IL13RA1: variants seen among roughly 807,000 people sequenced by gnomAD.
IL13RA1 encodes the protein interleukin-13 receptor subunit alpha-1.
Under a neutral mutation model 33.8 loss-of-function variants are expected in IL13RA1, and 14 were observed. That is an observed-to-expected ratio of 0.41 (90% CI 0.27 to 0.65). The LOEUF (loss-of-function observed/expected upper bound fraction) is 0.65, where lower values mean the gene tolerates loss of function less well. IL13RA1 is among the 30% of genes least tolerant of loss of function. The pLI is 0.28. For synonymous variants in IL13RA1, 116 were observed against 115.7 expected (o/e 1.00, Z -0.02); for missense variants, 313 against 327.0 (o/e 0.96, Z 0.33).
intron 1 of IL13RA1, among the ~76,000 whole-genome samples, chrX:118,730,363 C>T (rs1327944022): frequency 2.7e-5 from 3 of 111,791 alleles, no homozygotes; most frequent in Non-Finnish European, 5.6e-5. Context: ...CTGTGTGGTC[C>T]AAACAACTAG....
downstream of IL13RA1, among the ~76,000 whole-genome samples, chrX:118,799,141 C>G (rs370700179): frequency 1.1e-4 from 12 of 113,062 alleles, no homozygotes; most frequent in Admixed American, 8.3e-4. Flanking sequence ...CCAGCAGTGC[C>G]GGCCCACCGG....
chrX:118,754,846 C>T (rs1167733395), intron 4 of IL13RA1, among the ~76,000 whole-genome samples: 1 of 109,675 alleles, frequency 9.1e-6, no homozygotes, highest in East Asian at 2.8e-4. Flanking sequence ...TAGCAAGCAC[C>T]AGAAATGGTT....
chrX:118,784,088 A>ATATATATATATATATAT (rs1486333613), intron 10 of IL13RA1, among the ~76,000 whole-genome samples: 3 of 50,761 alleles, frequency 5.9e-5, no homozygotes, highest in African/African-American at 9.9e-5. Flanking sequence ...AAAAAAAAAA[A>ATATATATATATATATAT]AAATATATAT....
chrX:118,770,532 C>T (rs989269807), intron 8 of IL13RA1: 9 of 533,342 alleles, frequency 1.7e-5, no homozygotes, highest in Middle Eastern at 3.5e-4. Context: ...ACCAGGACTT[C>T]GTGGTGTGGA....
At chrX:118,728,097 C>T (rs1184324925) in intron 1 of IL13RA1, among the ~76,000 whole-genome samples, 2 of 112,726 alleles carry the variant, frequency 1.8e-5, no homozygotes, top group African/African-American at 6.4e-5. Context: ...GGCCGTGGGT[C>T]AGCGCCCGGA....
chrX:118,732,649 C>T (rs1410741137), intron 1 of IL13RA1, among the ~76,000 whole-genome samples: 2 of 109,041 alleles, frequency 1.8e-5, no homozygotes, highest in Non-Finnish European at 3.8e-5. Context: ...TGAGAACATG[C>T]AGTGTTTGGT....
Position 118,755,685 on chromosome X carries a change from A to G in IL13RA1, c.489-2370A>G, listed in dbSNP as rs147671499. On this transcript the variant is annotated intron_variant, in intron 4 of 10. Transcript: ENST00000371666. The stretch of plus-strand genomic sequence containing the variant: ...CTCAGGGTACAGAAATGAAAAAGGG[A>G]TCAAGAAGATTGTGCATTCGAGGAG... 9.7e-3 allele frequency among the ~76,000 whole-genome samples: 1,087 copies of G among 112,305 alleles called. 21 individuals carry two copies. The highest frequency in any genetic ancestry group is 0.033 in the African/African-American group (1,014 of 30,901).
intron 3 of IL13RA1, among the ~76,000 whole-genome samples, chrX:118,747,723 C>T (rs1015085918): frequency 4.5e-5 from 5 of 110,804 alleles, no homozygotes; most frequent in African/African-American, 1.6e-4. Flanking sequence ...GTTCCCCAAT[C>T]CCACCTCTCC....
intron 2 of IL13RA1, 130 bp from the exon 3 acceptor site, chrX:118,746,824 T>C: frequency 2.2e-6 from 1 of 448,277 alleles, no homozygotes; most frequent in Non-Finnish European, 3.9e-6. Context: ...CAGCCCCAAT[T>C]GAGAATCACT....
At chrX:118,801,655 C>T in the IL13RA1 span, among the ~76,000 whole-genome samples, 899 of 112,543 alleles carry the variant, frequency 8.0e-3, 4 homozygotes, top group Middle Eastern at 0.018. Flanking sequence ...TACCACCTAG[C>T]GTTGCTGTGA....
chrX:118,784,125 ATATG>A (rs1223610666), intron 10 of IL13RA1, among the ~76,000 whole-genome samples: 6 of 22,511 alleles, frequency 2.7e-4, no homozygotes, highest in Non-Finnish European at 3.6e-4. Context: ...ATATGTATAT[ATATG>A]TATATATATA....
intron 1 of IL13RA1, among the ~76,000 whole-genome samples, chrX:118,732,511 G>A (rs1302255469): frequency 2.7e-5 from 3 of 109,714 alleles, no homozygotes; most frequent in Non-Finnish European, 5.7e-5. Context: ...CCATTAACTC[G>A]TCATTTACAT....
chrX:118,766,520 T>C lies in IL13RA1; in HGVS notation c.829-10T>C. The C allele has an allele frequency of 1.1e-6, 1 of 945,734 alleles. No homozygotes were observed. The highest frequency in any genetic ancestry group is 1.5e-6 in the Non-Finnish European group (1 of 657,011). 77.9% of individuals were successfully genotyped at this position (945,734 alleles called of 1,213,427 possible). The stretch of plus-strand genomic sequence containing the variant: ...ACTCATTAGTTTATTTATTTATTTT[T>C]ATTTTCAAGGTCCAAGAGGCTAAAT... On this transcript the variant is annotated splice_polypyrimidine_tract_variant and intron_variant, in intron 6 of 10. Coordinates refer to ENST00000371666, the MANE Select transcript of IL13RA1 (RefSeq NM_001560.3).
chrX:118,740,726 T>C (rs960638149), intron 1 of IL13RA1, among the ~76,000 whole-genome samples: 2 of 112,163 alleles, frequency 1.8e-5, no homozygotes, highest in South Asian at 7.4e-4. Context: ...GAGGCTGCAG[T>C]GAGCTGAGAT....
intron 8 of IL13RA1, among the ~76,000 whole-genome samples, chrX:118,772,013 T>A (rs1192634217): frequency 2.7e-5 from 3 of 112,267 alleles, no homozygotes; most frequent in African/African-American, 6.5e-5. Context: ...TCTGGAAAAC[T>A]AGTTGGTGTA....
chrX:118,750,576 A>G (rs1341908629), intron 4 of IL13RA1, among the ~76,000 whole-genome samples: 1 of 111,125 alleles, frequency 9.0e-6, no homozygotes, highest in Non-Finnish European at 1.9e-5. Flanking sequence ...GCTACTGTAA[A>G]TATTCACATA....
intron 10 of IL13RA1, among the ~76,000 whole-genome samples, chrX:118,780,396 G>A (rs1603221181): frequency 8.9e-6 from 1 of 112,797 alleles, no homozygotes; most frequent in Non-Finnish European, 1.9e-5. Flanking sequence ...GACATGAGGA[G>A]CCACAGAGAA....
At chrX:118,769,249 G>C (rs1289535553) in intron 8 of IL13RA1, among the ~76,000 whole-genome samples, 2 of 112,397 alleles carry the variant, frequency 1.8e-5, no homozygotes, top group Non-Finnish European at 3.8e-5. Context: ...AGGCCTTGAT[G>C]ATGCTTTCTA....
rs774893435 is a variant in IL13RA1 at position 118,772,255 on chromosome X, CTGTG to C, written c.1010-1617_1010-1614del. Among the ~76,000 whole-genome samples the C allele has an allele frequency of 2.2e-4, 25 of 112,768 alleles. 1 individual carries two copies. In the East Asian group the frequency reaches 3.1e-3, roughly 14 times the overall value. On this transcript the variant is annotated intron_variant, in intron 8 of 10. Coordinates refer to ENST00000371666, the MANE Select transcript of IL13RA1 (RefSeq NM_001560.3). ...GGCTCAGTCTTCTTTGTCATTTAATCTGTGTGTGTGGGTGTGTGCGTGCGCACAC... is the reference window on the plus strand; with the variant it reads ...GGCTCAGTCTTCTTTGTCATTTAATCTGTGTGGGTGTGTGCGTGCGCACAC...
Sources: allele counts gnomAD v4.1 joint callset (sites outside exome capture counted in the v4.1 genomes callset), GRCh38; gene constraint gnomAD v4.1.1; transcripts MANE v1.5; gene names NCBI Gene and HGNC (gene_info 2026-07-23, HGNC 2026-07-21).